GLMN: variants seen among roughly 807,000 people sequenced by gnomAD.
GLMN encodes glomulin.
A neutral mutation model predicts 87.8 loss-of-function variants in GLMN; 75 were observed. The ratio of observed to expected loss-of-function variants is 0.85; its 90% confidence interval spans 0.71 to 1.04. The LOEUF is 1.04. Ranked by LOEUF, GLMN falls within the 50% of genes least tolerant of loss-of-function variation. GLMN has a pLI of 0.00. For synonymous variants in GLMN, 206 were observed against 221.6 expected (o/e 0.93, Z 0.63); for missense variants, 588 against 658.8 (o/e 0.89, Z 1.18).
intron 7 of GLMN, among the ~76,000 whole-genome samples, chr1:92,273,845 G>A (rs776754588): frequency 4.6e-5 from 7 of 151,590 alleles, no homozygotes; most frequent in Non-Finnish European, 1.0e-4. Flanking sequence ...CCCAAATCTG[G>A]GCCTTCACTA....
chr1:92,361,296 T>G, the GLMN span, among the ~76,000 whole-genome samples: 1 of 152,060 alleles, frequency 6.6e-6, no homozygotes, highest in Non-Finnish European at 1.5e-5. Flanking sequence ...CAAAACATAA[T>G]CTCCATGCAG....
At chr1:92,363,792 T>C in the GLMN span, 1 of 286,388 alleles carries the variant, frequency 3.5e-6, no homozygotes. Context: ...TTCTCTTCTT[T>C]ATGATTTGCT....
chr1:92,363,212 G>A, the GLMN span, among the ~76,000 whole-genome samples: 1 of 152,202 alleles, frequency 6.6e-6, no homozygotes, highest in Non-Finnish European at 1.5e-5. Context: ...GGGTAGGAAA[G>A]AGATTGAACA....
At chr1:92,320,463 G>A in the GLMN span, 1 of 578,576 alleles carries the variant, frequency 1.7e-6, no homozygotes, top group South Asian at 2.4e-5. Context: ...AGTAGAGATG[G>A]GGTTTCACCA....
chr1:92,260,857 T>TATC (rs1654960891), intron 16 of GLMN, among the ~76,000 whole-genome samples: 1 of 151,806 alleles, frequency 6.6e-6, no homozygotes, highest in Non-Finnish European at 1.5e-5. Context: ...AGTGAGGAAT[T>TATC]ATCTATGGAT....
the GLMN span, among the ~76,000 whole-genome samples, chr1:92,320,967 T>C: frequency 6.6e-6 from 1 of 152,244 alleles, no homozygotes; most frequent in African/African-American, 2.4e-5. Context: ...GAAAGGTTTT[T>C]ACAGTCCTAT....
the GLMN span, among the ~76,000 whole-genome samples, chr1:92,351,847 AT>A: frequency 3.3e-5 from 5 of 152,096 alleles, no homozygotes; most frequent in African/African-American, 1.2e-4. Context: ...TTCCTCCCAA[AT>A]TTAATATAAA....
intron 3 of GLMN, among the ~76,000 whole-genome samples, chr1:92,292,028 T>C (rs1345252217): frequency 6.6e-6 from 1 of 152,242 alleles, no homozygotes; most frequent in Non-Finnish European, 1.5e-5. Flanking sequence ...CAAAGATATT[T>C]CAGAATGCTT....
chr1:92,370,431 A>G, the GLMN span, among the ~76,000 whole-genome samples: 8 of 152,222 alleles, frequency 5.3e-5, no homozygotes, highest in Admixed American at 4.6e-4. Flanking sequence ...AAGAATATGA[A>G]GGAATAACTT....
At position 92,264,561 on chromosome 1, in the gene GLMN, G is replaced by T; in HGVS notation, c.1292C>A (p.Ser431Ter). The change falls in exon 14 of 19, where the codon TCA (serine) becomes TAA (stop). Residue 431 changes from serine to a stop codon, truncating the protein, a stop_gained. Coordinates refer to ENST00000370360, the MANE Select transcript of GLMN (RefSeq NM_053274.3). LOFTEE classifies it high-confidence loss of function. ...IQNIKNQIDM[S>*]LKRTRNNKWF... The stretch of plus-strand genomic sequence containing the variant: ...CTTTGGCTATGTTCTTACCTTTAAT[G>T]ACATGTCAATTTGATTTTTGATATT... The T allele has an allele frequency of 1.3e-6, 2 of 1,496,050 alleles. No homozygotes were observed. The highest frequency in any genetic ancestry group is 1.9e-6 in the Non-Finnish European group (2 of 1,072,620). 92.7% of individuals were successfully genotyped at this position (1,496,050 alleles called of 1,614,324 possible).
chr1:92,316,450 T>C, the GLMN span, among the ~76,000 whole-genome samples: 1 of 152,214 alleles, frequency 6.6e-6, no homozygotes, highest in Admixed American at 6.5e-5. Flanking sequence ...CCAAGTGATA[T>C]ATATGCACAT....
At chr1:92,309,645 A>G in the GLMN span, among the ~76,000 whole-genome samples, 2 of 152,118 alleles carry the variant, frequency 1.3e-5, no homozygotes, top group Non-Finnish European at 2.9e-5. Flanking sequence ...ATAAAACCCA[A>G]CCTGTGAATT....
chr1:92,317,477 C>T, the GLMN span, among the ~76,000 whole-genome samples: 1 of 151,902 alleles, frequency 6.6e-6, no homozygotes, highest in East Asian at 1.9e-4. Context: ...CACTGCACTC[C>T]AGCCTAGGCA....
At chr1:92,296,937 T>A (rs936961630) in intron 3 of GLMN, among the ~76,000 whole-genome samples, 1 of 152,236 alleles carries the variant, frequency 6.6e-6, no homozygotes, top group Non-Finnish European at 1.5e-5. Flanking sequence ...TTTCTCATTG[T>A]AAATTAATGA....
At position 92,286,543 on chromosome 1, in the gene GLMN, G is replaced by A; in HGVS notation, c.682C>T (p.Gln228Ter). Residue 228 changes from glutamine to a stop codon, truncating the protein, a stop_gained, in exon 7 of 19, where the codon CAG becomes TAG. Coordinates refer to ENST00000370360, the MANE Select transcript of GLMN (RefSeq NM_053274.3). LOFTEE classifies it high-confidence loss of function. ...GGATCATTTCCACCTTCTTCAGACTGTTCAAAGAATTGTGCTGTCAGCAAA... is the reference window on the plus strand; with the variant it reads ...GGATCATTTCCACCTTCTTCAGACTATTCAAAGAATTGTGCTGTCAGCAAA... ...CPLLTAQFFE[Q>*]SEEGGNDPFR... 2 of 1,607,524 alleles carry A rather than the reference G, an allele frequency of 1.2e-6. No individual in the cohort carries two copies. The highest frequency in any genetic ancestry group is 1.1e-5 in the South Asian group (1 of 90,930).
chr1:92,299,944 G>A (rs1176325903), upstream of GLMN, among the ~76,000 whole-genome samples: 4 of 152,070 alleles, frequency 2.6e-5, no homozygotes, highest in African/African-American at 9.7e-5. Flanking sequence ...GACCATCATC[G>A]AGTGCACTTA....
chr1:92,313,493 A>G, the GLMN span, among the ~76,000 whole-genome samples: 1 of 150,330 alleles, frequency 6.7e-6, no homozygotes, highest in Non-Finnish European at 1.5e-5. Flanking sequence ...TAAAATATTC[A>G]GTAAGCCATG....
the GLMN span, among the ~76,000 whole-genome samples, chr1:92,337,175 T>C: frequency 6.6e-6 from 1 of 152,222 alleles, no homozygotes; most frequent in East Asian, 1.9e-4. Flanking sequence ...GGTGGAAGAA[T>C]TAATTCATCC....
chr1:92,289,047 G>A lies in GLMN; in HGVS notation c.499C>T (p.Gln167Ter). The A allele has an allele frequency of 1.2e-6, 2 of 1,609,930 alleles. No individual in the cohort carries two copies. Among genetic ancestry groups the A allele is most frequent in the East Asian group, 2.2e-5 (1 of 44,828 alleles). Residue 167 changes from glutamine (Q) to a stop codon, truncating the protein, a stop_gained, in exon 6 of 19, where the codon CAA (glutamine) becomes TAA (stop). Coordinates refer to ENST00000370360, the MANE Select transcript of GLMN (RefSeq NM_053274.3). LOFTEE classifies it high-confidence loss of function. ...TGACAAAGGCCATAGTCATCCATTT[G>A]TATTTGTTCTTTTGAGTATGGAACA... ...LPVPYSKEQI[Q>*]MDDYGLCQCC...
Sources: allele counts gnomAD v4.1 joint callset (sites outside exome capture counted in the v4.1 genomes callset), GRCh38; gene constraint gnomAD v4.1.1; transcripts MANE v1.5; gene names NCBI Gene and HGNC (gene_info 2026-07-23, HGNC 2026-07-21).